The following TPRG1 variants were observed in gnomAD, a reference collection of about 807,000 sequenced individuals.
TPRG1 encodes the protein tumor protein p63 regulated 1, also known as tumor protein p63-regulated gene 1 protein.
Under a neutral mutation model 29.3 loss-of-function variants are expected in TPRG1, and 29 were observed. That is an observed-to-expected ratio of 0.99 (90% CI 0.74 to 1.35). The LOEUF (loss-of-function observed/expected upper bound fraction) is 1.35. Ranked by LOEUF, TPRG1 falls within the 40% of genes most tolerant of loss-of-function variation. The probability of loss-of-function intolerance (pLI) is 0.00; values close to 1 mark genes in which losing one functional copy is unlikely to be tolerated. For missense variants in TPRG1, 327 were observed against 335.0 expected, an observed-to-expected ratio of 0.98 and a Z score of 0.19; for synonymous variants, 130 against 116.8, an observed-to-expected ratio of 1.11 and a Z score of -0.73.
chr3:189,217,341 C>T (rs1736226269), intron 3 of TPRG1, among the ~76,000 whole-genome samples: 1 of 152,192 alleles, frequency 6.6e-6, no homozygotes, highest in African/African-American at 2.4e-5. Context: ...TATCTAGAAA[C>T]TCATTTTACA....
intron 4 of TPRG1, among the ~76,000 whole-genome samples, chr3:189,078,098 T>TC (rs57648436): frequency 7.3e-4 from 34 of 46,868 alleles, no homozygotes; most frequent in African/African-American, 1.4e-3. Flanking sequence ...TCTCTCTTTC[T>TC]TTCTTTCTTT....
intron 4 of TPRG1, among the ~76,000 whole-genome samples, chr3:189,078,007 T>TTTTC (rs1390954135): frequency 1.7e-5 from 2 of 120,856 alleles, no homozygotes; most frequent in Non-Finnish European, 3.4e-5. Flanking sequence ...CCTAAAAACC[T>TTTTC]TTTCCTTCCT....
intron 1 of TPRG1, among the ~76,000 whole-genome samples, chr3:189,101,022 C>T (rs1719134399): frequency 6.6e-6 from 1 of 152,252 alleles, no homozygotes. Context: ...GCCATGCACT[C>T]TGCCAGGCCT....
intron 1 of TPRG1, among the ~76,000 whole-genome samples, chr3:189,196,938 C>G (rs1732635932): frequency 6.6e-6 from 1 of 152,142 alleles, no homozygotes; most frequent in South Asian, 2.1e-4. Flanking sequence ...CACAGTTGGT[C>G]TAACAAGAAA....
chr3:189,203,517 A>G (rs1428456013), intron 1 of TPRG1, among the ~76,000 whole-genome samples: 2 of 152,136 alleles, frequency 1.3e-5, no homozygotes, highest in Admixed American at 1.3e-4. Context: ...GCTTTATTTC[A>G]CTCAAGAAGA....
chr3:189,324,001 C>T lies in TPRG1; in HGVS notation c.*3181C>T, dbSNP rs1199555133. The T allele has an allele frequency of 3.3e-5, 5 of 152,098 alleles. No individual in the cohort carries two copies. The highest frequency in any genetic ancestry group is 1.2e-4 in the African/African-American group (5 of 41,400). The allele number at this position is 152,098 out of a possible 1,614,324, so 9.4% of individuals were successfully genotyped here. The stretch of plus-strand genomic sequence containing the variant: ...AAAGCAGATAGATGTTTTAACACAA[C>T]AGGAGGACTTTTAAACAATCACCAG... On this transcript the variant is annotated 3_prime_UTR_variant, in exon 6 of 6. Coordinates refer to ENST00000345063, the MANE Select transcript of TPRG1 (RefSeq NM_198485.4).
intron 4 of TPRG1, among the ~76,000 whole-genome samples, chr3:189,254,969 CAG>C (rs1711576905): frequency 6.6e-6 from 1 of 152,090 alleles, no homozygotes; most frequent in African/African-American, 2.4e-5. Flanking sequence ...CATTTACAAA[CAG>C]AGATAATTTG....
rs558497637 is a variant in TPRG1, at chr3:189,232,718, A to G, written c.303-6015A>G. On this transcript the variant is annotated intron_variant, in intron 3 of 5. Transcript: ENST00000345063. ...AACCTGGGAACAGGGAAGGTTGGTG[A>G]CCATTGGGTTTCTATTAGTATCCTG... Among the ~76,000 whole-genome samples, 10 of 152,296 alleles carry G rather than the reference A, an allele frequency of 6.6e-5. No individual in the cohort carries two copies. In the South Asian group the frequency reaches 1.5e-3, roughly 22 times the overall value.
chr3:189,242,640 G>T (rs1273386551), intron 4 of TPRG1, among the ~76,000 whole-genome samples: 1 of 152,026 alleles, frequency 6.6e-6, no homozygotes, highest in East Asian at 1.9e-4. Context: ...CATAAAACAA[G>T]TTGGAAAATG....
At chr3:189,307,616 G>T (rs1721833129) in intron 4 of TPRG1, among the ~76,000 whole-genome samples, 1 of 152,144 alleles carries the variant, frequency 6.6e-6, no homozygotes, top group Admixed American at 6.5e-5. Flanking sequence ...AATATATTTT[G>T]TAGCCTTAGC....
intron 5 of TPRG1, among the ~76,000 whole-genome samples, chr3:189,157,609 A>G (rs1404032548): frequency 6.6e-6 from 1 of 152,230 alleles, no homozygotes; most frequent in Non-Finnish European, 1.5e-5. Flanking sequence ...AAGGAAGAAC[A>G]GCAAAAGCAA....
Position 189,177,677 on chromosome 3 carries a change from G to A in TPRG1, c.-10+5546G>A, listed in dbSNP as rs566640138. ...AGAGGTGCAGTGAACCCAGTCAGTG[G>A]TGTACCAAATGGGAAGGGGGGTGGT... On this transcript the variant is annotated intron_variant, in intron 1 of 5. Transcript: ENST00000345063. Among the ~76,000 whole-genome samples, 4 of 152,052 alleles carry A rather than the reference G, an allele frequency of 2.6e-5. No homozygotes were observed. In the East Asian group the frequency reaches 7.8e-4, roughly 29 times the overall value.
intron 5 of TPRG1, among the ~76,000 whole-genome samples, chr3:189,154,333 T>C (rs1234010050): frequency 6.6e-6 from 1 of 152,194 alleles, no homozygotes; most frequent in Non-Finnish European, 1.5e-5. Context: ...ATTAAGTTCA[T>C]TCATTTGCCA....
At chr3:189,197,609 C>A (rs1732754247) in intron 1 of TPRG1, among the ~76,000 whole-genome samples, 1 of 152,182 alleles carries the variant, frequency 6.6e-6, no homozygotes, top group Non-Finnish European at 1.5e-5. Flanking sequence ...TTTTCAGATG[C>A]TTCTCCTGCC....
At chr3:189,221,390 C>T (rs1179748688) in intron 3 of TPRG1, among the ~76,000 whole-genome samples, 1 of 152,140 alleles carries the variant, frequency 6.6e-6, no homozygotes, top group African/African-American at 2.4e-5. Context: ...ATAGCCCTTC[C>T]ACTGTTGTGC....
chr3:189,208,982 T>C (rs1734842276), intron 2 of TPRG1, among the ~76,000 whole-genome samples: 1 of 151,958 alleles, frequency 6.6e-6, no homozygotes, highest in South Asian at 2.1e-4. Context: ...GAAGAGGAAA[T>C]AGGGAAAAAG....
intron 4 of TPRG1, among the ~76,000 whole-genome samples, chr3:189,280,110 A>G (rs1008556227): frequency 3.3e-5 from 5 of 152,166 alleles, no homozygotes; most frequent in African/African-American, 9.7e-5. Context: ...TCAGGGACTT[A>G]TCTGTTAACA....
rs986989720 is a variant in TPRG1, at chr3:189,265,720, C to G, written c.479+26811C>G. 2.0e-5 allele frequency among the ~76,000 whole-genome samples: 3 copies of G among 152,284 alleles called. No homozygotes were observed. The East Asian group carries it at 5.8e-4, about 29-fold the overall frequency. On this transcript the variant is annotated intron_variant, in intron 4 of 5. Coordinates refer to ENST00000345063, the MANE Select transcript of TPRG1 (RefSeq NM_198485.4). ...CTTTCCTCCATTCCTTCCTACTCCC[C>G]CTCCTTCTGTCTGTCATGTGGATGT... is the stretch of plus-strand genomic sequence containing the variant.
chr3:189,115,783 C>T (rs886849557), intron 1 of TPRG1, among the ~76,000 whole-genome samples: 4 of 152,064 alleles, frequency 2.6e-5, no homozygotes, highest in Non-Finnish European at 5.9e-5. Context: ...TGGAGGAGGC[C>T]AAGGAGAGAA....
Sources: gnomAD v4.1 joint callset for allele counts (sites outside exome capture counted in the v4.1 genomes callset) on GRCh38, gnomAD v4.1.1 for gene constraint, MANE v1.5 for transcripts, NCBI Gene and HGNC (gene_info 2026-07-23, HGNC 2026-07-21) for gene names.